The following PARP12 variants were observed in gnomAD, a reference collection of about 807,000 sequenced individuals.
PARP12 encodes the protein poly(ADP-ribose) polymerase family member 12.
PARP12 carries 59 observed loss-of-function variants against 72.4 expected under a neutral mutation model. The ratio of observed to expected loss-of-function variants is 0.81; its 90% confidence interval spans 0.66 to 1.01. The LOEUF (loss-of-function observed/expected upper bound fraction) is 1.01. PARP12 is among the 50% of genes least tolerant of loss of function. The probability of loss-of-function intolerance (pLI) is 0.00; values close to 1 mark genes in which losing one functional copy is unlikely to be tolerated. For missense variants in PARP12, 851 were observed against 914.0 expected (o/e 0.93, Z 0.89); for synonymous variants, 403 against 371.4 (o/e 1.09, Z -0.98).
chr7:140,024,849 T>C lies in PARP12; in HGVS notation c.1817A>G (p.His606Arg). ...YFARDAAYSH[H>R]YSKSDTQTHT... Reference sequence around the variant, plus strand: ...GGTCTGCGTGTCGGATTTGCTGTAGTGGTGGGAATATGCAGCATCTCGGGC... The same window carrying C: ...GGTCTGCGTGTCGGATTTGCTGTAGCGGTGGGAATATGCAGCATCTCGGGC... The change falls in exon 12 of 12, where the codon CAC (histidine) becomes CGC (arginine). Residue 606 changes from histidine (H) to arginine (R), a missense_variant. Physicochemically the swap from His to Arg is conservative, Grantham distance 29. Coordinates refer to ENST00000263549, the MANE Select transcript of PARP12 (RefSeq NM_022750.4). The C allele has an allele frequency of 6.2e-7, 1 of 1,613,858 alleles. No homozygotes were observed.
chr7:140,056,687 C>T (rs1391206048), intron 3 of PARP12, among the ~76,000 whole-genome samples, 169 bp downstream of exon 3: 5 of 152,188 alleles, frequency 3.3e-5, no homozygotes, highest in South Asian at 2.1e-4. Context: ...TCCTCACCCC[C>T]GCACTCCCTG....
chr7:140,041,735 G>A lies in PARP12; in HGVS notation c.1091C>T (p.Ser364Phe). 6.2e-7 allele frequency: 1 copy of A among 1,614,210 alleles called. No individual in the cohort carries two copies. Among genetic ancestry groups the A allele is most frequent in the Non-Finnish European group, 8.5e-7 (1 of 1,180,022 alleles). The change falls in exon 6 of 12, where the codon TCT becomes TTT. Residue 364 changes from serine (S) to phenylalanine (F), a missense_variant. Coordinates refer to ENST00000263549, the MANE Select transcript of PARP12 (RefSeq NM_022750.4). ...TQARRLSTAS[S>F]VTKPPHFILT... ...GATGAAGTGTGGAGGTTTGGTGACA[G>A]AGGAGGCCGTGGAGAGGCGGCGAGC...
In PARP12 at chr7:140,043,234, C is replaced by T. The variant is rs548857592; in HGVS notation, c.987-1395G>A. ...CCAAAGAAATTTCCATCAAATCAAA[C>T]ATGAGCTCAAAATCGATCACAAAAT... On this transcript the variant is annotated intron_variant, in intron 5 of 11. Transcript: ENST00000263549. Among the ~76,000 whole-genome samples, 7 of 152,208 alleles carry T rather than the reference C, an allele frequency of 4.6e-5. No homozygotes were observed. In the East Asian group the frequency reaches 1.4e-3, roughly 29 times the overall value.
chr7:140,062,830 G>T lies in PARP12; in HGVS notation c.18C>A (p.Val6=). 7.2e-7 allele frequency: 1 copy of T among 1,397,888 alleles called. No homozygotes were observed. Among genetic ancestry groups the T allele is most frequent in the South Asian group, 1.4e-5 (1 of 69,060 alleles). 86.6% of individuals were successfully genotyped at this position (1,397,888 alleles called of 1,614,324 possible). Reference sequence around the variant, plus strand: ...ACAGCACCTGGGTGACCTCACCGACGACGCCGGCCTGGGCCATGGCCGCTG... The same window carrying T: ...ACAGCACCTGGGTGACCTCACCGACTACGCCGGCCTGGGCCATGGCCGCTG... MAQAG[V]VGEVTQVLCA... The change falls in exon 1 of 12, where the codon GTC becomes GTA. Residue 6 remains valine, a synonymous_variant. Transcript: ENST00000263549.
At chr7:140,041,562 G>A in intron 6 of PARP12, 82 bp downstream of exon 6, 2 of 1,394,330 alleles carry the variant, frequency 1.4e-6, no homozygotes, top group East Asian at 4.7e-5. Context: ...GATGCCCCTG[G>A]CAACAATATG....
chr7:140,041,724 G>GT lies in PARP12; in HGVS notation c.1101dup (p.Pro368ThrfsTer9). ...TCAGTGGTGAGGATGAAGTGTGGAG[G>GT]TTTGGTGACAGAGGAGGCCGTGGAG... On this transcript the variant is annotated frameshift_variant, in exon 6 of 12. Transcript: ENST00000263549. LOFTEE classifies it high-confidence loss of function. The GT allele has an allele frequency of 6.2e-7, 1 of 1,614,184 alleles. No homozygotes were observed. The highest frequency in any genetic ancestry group is 8.5e-7 in the Non-Finnish European group (1 of 1,180,028).
chr7:140,030,057 G>C (rs1030985217), intron 8 of PARP12, among the ~76,000 whole-genome samples: 7 of 152,142 alleles, frequency 4.6e-5, no homozygotes, highest in Non-Finnish European at 7.3e-5. Flanking sequence ...ATAAATAAAA[G>C]CACATACTTA....
rs758892973 is a variant in PARP12 at position 140,037,869 on chromosome 7, G to C, written c.1183-13C>G. ...GGTGCACCGTGCCCTGCGATGGAAA[G>C]CCAGACACTTTATGAAGGCAAGAAA... On this transcript the variant is annotated splice_polypyrimidine_tract_variant and intron_variant, in intron 6 of 11. Coordinates refer to ENST00000263549, the MANE Select transcript of PARP12 (RefSeq NM_022750.4). 1 of 1,601,244 alleles carries C rather than the reference G, an allele frequency of 6.2e-7. No individual in the cohort carries two copies. The highest frequency in any genetic ancestry group is 1.7e-5 in the Admixed American group (1 of 59,704).
At chr7:140,033,330 C>T (rs1050713847) in intron 8 of PARP12, 23 of 985,288 alleles carry the variant, frequency 2.3e-5, no homozygotes, top group Admixed American at 1.2e-4. Flanking sequence ...CATTTAAAAA[C>T]GACCTTTGCA....
At chr7:140,053,629 G>GTA (rs747571766) in intron 4 of PARP12, among the ~76,000 whole-genome samples, 66 of 151,722 alleles carry the variant, frequency 4.4e-4, no homozygotes, top group Non-Finnish European at 6.5e-4. Context: ...ATATATGTGT[G>GTA]TGTATATATA....
intron 2 of PARP12, 65 bp downstream of exon 2, chr7:140,057,834 A>G: frequency 6.3e-7 from 1 of 1,592,862 alleles, no homozygotes; most frequent in Non-Finnish European, 8.6e-7. Context: ...CCCAGTCATT[A>G]CATTTCCCAA....
intron 8 of PARP12, chr7:140,033,953 T>C: frequency 9.6e-7 from 1 of 1,046,236 alleles, no homozygotes; most frequent in South Asian, 4.0e-5. Context: ...AACGGATGGG[T>C]TGGCTTCAAG....
In PARP12 at chr7:140,037,702, G is replaced by T. The variant is rs1289021725; in HGVS notation, c.1324+13C>A. 4 of 1,613,364 alleles carry T rather than the reference G, an allele frequency of 2.5e-6. No individual in the cohort carries two copies. In the Admixed American group the frequency reaches 6.7e-5, roughly 27 times the overall value. On this transcript the variant is annotated intron_variant, in intron 7 of 11. Coordinates refer to ENST00000263549, the MANE Select transcript of PARP12 (RefSeq NM_022750.4). ...AGGCAGGCTCTGCTGGGCGAGGGCAGGGCACAGGATACCTTTGAAATCTAA... is the reference window on the plus strand; with the variant it reads ...AGGCAGGCTCTGCTGGGCGAGGGCATGGCACAGGATACCTTTGAAATCTAA...
intron 1 of PARP12, among the ~76,000 whole-genome samples, chr7:140,061,651 C>CA (rs1257139487): frequency 6.6e-6 from 1 of 152,164 alleles, no homozygotes; most frequent in Non-Finnish European, 1.5e-5. Flanking sequence ...CCATCACCTC[C>CA]AGGGTGAGGC....
chr7:140,043,358 T>C (rs968433350), intron 5 of PARP12, among the ~76,000 whole-genome samples: 1 of 152,122 alleles, frequency 6.6e-6, no homozygotes, highest in African/African-American at 2.4e-5. Flanking sequence ...ATACGTGATA[T>C]GTTTTTTAAA....
At chr7:140,038,262 C>T in intron 6 of PARP12, 1 of 985,438 alleles carries the variant, frequency 1.0e-6, no homozygotes, top group Non-Finnish European at 1.2e-6. Context: ...TTGCAACCAT[C>T]CTTTAATCAG....
intron 5 of PARP12, among the ~76,000 whole-genome samples, chr7:140,046,289 T>C (rs1816719969): frequency 1.3e-5 from 2 of 152,222 alleles, no homozygotes; most frequent in Admixed American, 1.3e-4. Flanking sequence ...TCAAATTCTC[T>C]TCTTGGCAAC....
Position 140,024,839 on chromosome 7 carries a change from T to C in PARP12, c.1827A>G (p.Lys609=). The C allele has an allele frequency of 6.2e-7, 1 of 1,613,826 alleles. No individual in the cohort carries two copies. ...RDAAYSHHYS[K]SDTQTHTMFL... is the part of the protein sequence containing the mutation. ...ACATCGTGTGGGTCTGCGTGTCGGA[T>C]TTGCTGTAGTGGTGGGAATATGCAG... Residue 609 remains lysine, a synonymous_variant, in exon 12 of 12, where the codon AAA becomes AAG. Coordinates refer to ENST00000263549, the MANE Select transcript of PARP12 (RefSeq NM_022750.4).
chr7:140,026,103 G>T, intron 11 of PARP12, 94 bp downstream of exon 11: 1 of 1,580,978 alleles, frequency 6.3e-7, no homozygotes, highest in Non-Finnish European at 8.7e-7. Context: ...CTGCTCATCA[G>T]CTCAGGCTGG....
Sources: allele counts gnomAD v4.1 joint callset (sites outside exome capture counted in the v4.1 genomes callset), GRCh38; gene constraint gnomAD v4.1.1; transcripts MANE v1.5; gene names NCBI Gene and HGNC (gene_info 2026-07-23, HGNC 2026-07-21).